The following TAFA4 variants were observed in gnomAD, a reference collection of about 807,000 sequenced individuals.
TAFA4 encodes the protein TAFA chemokine like family member 4.
A neutral mutation model predicts 21.1 loss-of-function variants in TAFA4; 20 were observed. The observed-to-expected ratio is 0.95, with a 90% CI of 0.67 to 1.38. TAFA4 has a LOEUF of 1.38. TAFA4 is among the 40% of genes most tolerant of loss of function. The probability of loss-of-function intolerance (pLI) is 0.00; values close to 1 mark genes in which losing one functional copy is unlikely to be tolerated. For synonymous variants in TAFA4, 71 were observed against 67.4 expected, an observed-to-expected ratio of 1.05 and a Z score of -0.26; for missense variants, 211 against 180.9, an observed-to-expected ratio of 1.17 and a Z score of -0.95.
intron 3 of TAFA4, among the ~76,000 whole-genome samples, chr3:68,855,668 A>G (rs1705054073): frequency 6.6e-6 from 1 of 152,044 alleles, no homozygotes; most frequent in Non-Finnish European, 1.5e-5. Context: ...AGACAGAGAC[A>G]CTTCTATATA....
At chr3:68,857,289 G>A (rs190699353) in intron 3 of TAFA4, among the ~76,000 whole-genome samples, 1 of 152,232 alleles carries the variant, frequency 6.6e-6, no homozygotes, top group East Asian at 1.9e-4. Context: ...AAGGACAATA[G>A]TTCCTCTTAA....
chr3:68,818,504 G>C (rs781336626), intron 3 of TAFA4, among the ~76,000 whole-genome samples: 3 of 152,178 alleles, frequency 2.0e-5, no homozygotes, highest in African/African-American at 4.8e-5. Flanking sequence ...ATATCCCAGC[G>C]TATTTCAAAA....
chr3:68,733,827 C>T (rs928180635), intron 5 of TAFA4, among the ~76,000 whole-genome samples: 7 of 152,160 alleles, frequency 4.6e-5, no homozygotes, highest in African/African-American at 7.2e-5. Flanking sequence ...TCACCATACC[C>T]AGGCTTTAGA....
intron 3 of TAFA4, among the ~76,000 whole-genome samples, chr3:68,769,727 C>A (rs1702918715): frequency 6.6e-6 from 1 of 151,960 alleles, no homozygotes; most frequent in Admixed American, 6.6e-5. Context: ...CAAAAAATTC[C>A]CAAAAACAAA....
intron 3 of TAFA4, among the ~76,000 whole-genome samples, chr3:68,850,383 A>T (rs556585467): frequency 6.6e-6 from 1 of 152,332 alleles, no homozygotes; most frequent in East Asian, 1.9e-4. Context: ...TGTCTTAGTG[A>T]GGGACAAAAC....
Position 68,791,538 on chromosome 3 carries a change from T to C in TAFA4, c.131-38520A>G, listed in dbSNP as rs34098780. ...CGTTTATTGTCTTAAGCCACCCAGC[T>C]GTAGCACTTTGTTATGGCATCCTTA... is the stretch of plus-strand genomic sequence containing the variant. On this transcript the variant is annotated intron_variant, in intron 3 of 5. Transcript: ENST00000295569. Among the ~76,000 whole-genome samples the C allele has an allele frequency of 0.024, 3,649 of 152,314 alleles. 260 individuals are homozygous for C. In the East Asian group the frequency reaches 0.25, roughly 11 times the overall value.
intron 1 of TAFA4, among the ~76,000 whole-genome samples, chr3:68,929,854 T>C (rs1265508909): frequency 6.6e-6 from 1 of 152,244 alleles, no homozygotes; most frequent in Non-Finnish European, 1.5e-5. Flanking sequence ...CTTTCCCTTA[T>C]TCATCACAGG....
At chr3:68,757,582 G>A (rs1702681427) in intron 3 of TAFA4, among the ~76,000 whole-genome samples, 2 of 152,286 alleles carry the variant, frequency 1.3e-5, no homozygotes, top group Admixed American at 6.5e-5. Flanking sequence ...TGGATGTTCA[G>A]TAATGCTATG....
intron 4 of TAFA4, among the ~76,000 whole-genome samples, chr3:68,742,625 T>C (rs1262452605): frequency 6.6e-6 from 1 of 152,174 alleles, no homozygotes; most frequent in Non-Finnish European, 1.5e-5. Flanking sequence ...GTACAGTGTA[T>C]ACCGCTCATT....
chr3:68,805,045 A>G (rs1703662403), intron 3 of TAFA4, among the ~76,000 whole-genome samples: 1 of 152,204 alleles, frequency 6.6e-6, no homozygotes, highest in East Asian at 1.9e-4. Context: ...AATTTTCACA[A>G]CCTACTCATC....
intron 3 of TAFA4, among the ~76,000 whole-genome samples, chr3:68,820,355 G>T (rs1704085382): frequency 6.6e-6 from 1 of 152,104 alleles, no homozygotes; most frequent in African/African-American, 2.4e-5. Context: ...CATCATGGTG[G>T]CTACAGTTAA....
intron 3 of TAFA4, among the ~76,000 whole-genome samples, chr3:68,787,528 T>A (rs767681181): frequency 2.0e-5 from 3 of 152,090 alleles, no homozygotes; most frequent in Non-Finnish European, 4.4e-5. Context: ...AAGTCTGCCA[T>A]TGTAAAGAAG....
chr3:68,886,389 T>C (rs1313727304), intron 1 of TAFA4, among the ~76,000 whole-genome samples: 1 of 152,178 alleles, frequency 6.6e-6, no homozygotes, highest in Non-Finnish European at 1.5e-5. Context: ...AAAATGTTCA[T>C]CTCCCAGATC....
At position 68,752,121 on chromosome 3, in the gene TAFA4, T is replaced by C. The variant is rs116171075; in HGVS notation, c.286+742A>G. On this transcript the variant is annotated intron_variant, in intron 4 of 5. Transcript: ENST00000295569. ...TGTGTGTGTTTTAACTGCTGACCTT[T>C]AGACATGCATCAAATGAGACAGGAA... 4.5e-3 allele frequency among the ~76,000 whole-genome samples: 679 copies of C among 152,328 alleles called. 6 individuals are homozygous for C. Among genetic ancestry groups the C allele is most frequent in the Middle Eastern group, 0.034 (10 of 294 alleles).
chr3:68,872,164 G>A (rs1458805183), intron 3 of TAFA4, among the ~76,000 whole-genome samples: 2 of 151,944 alleles, frequency 1.3e-5, no homozygotes, highest in East Asian at 3.9e-4. Flanking sequence ...GTCCATCACT[G>A]GATGAATGGA....
intron 1 of TAFA4, among the ~76,000 whole-genome samples, chr3:68,892,249 A>C (rs959567435): frequency 2.0e-5 from 3 of 152,190 alleles, no homozygotes; most frequent in Non-Finnish European, 4.4e-5. Context: ...TTCCTTAAAA[A>C]CATCAGTGAA....
At chr3:68,803,820 T>TTTTTC (rs869141246) in intron 3 of TAFA4, among the ~76,000 whole-genome samples, 1 of 145,390 alleles carries the variant, frequency 6.9e-6, no homozygotes, top group East Asian at 2.1e-4. Flanking sequence ...TTTTTTTTTT[T>TTTTTC]GTGAGACAGA....
At chr3:68,919,123 T>C (rs2090033299) in intron 1 of TAFA4, among the ~76,000 whole-genome samples, 1 of 152,114 alleles carries the variant, frequency 6.6e-6, no homozygotes, top group Non-Finnish European at 1.5e-5. Context: ...TTAAAAAACA[T>C]CTTGGCATCC....
intron 4 of TAFA4, among the ~76,000 whole-genome samples, chr3:68,750,643 C>T (rs1485610013): frequency 2.0e-5 from 3 of 152,082 alleles, no homozygotes; most frequent in Admixed American, 6.5e-5. Flanking sequence ...AGATAGTTTG[C>T]GGTAAGGTAT....
Sources: allele counts gnomAD v4.1 joint callset (sites outside exome capture counted in the v4.1 genomes callset), GRCh38; gene constraint gnomAD v4.1.1; transcripts MANE v1.5; gene names NCBI Gene and HGNC (gene_info 2026-07-23, HGNC 2026-07-21).